VWA3B: variants seen among roughly 807,000 people sequenced by gnomAD.
VWA3B encodes von Willebrand factor A domain containing 3B, also known as von Willebrand factor A domain-containing protein 3B.
VWA3B carries 138 observed loss-of-function variants against 158.3 expected under a neutral mutation model. The ratio of observed to expected loss-of-function variants is 0.87; its 90% CI spans 0.76 to 1.00. VWA3B has a LOEUF of 1.00. Ranked by LOEUF, VWA3B falls within the 50% of genes least tolerant of loss-of-function variation. VWA3B has a pLI of 0.00. For missense variants in VWA3B, 1,555 were observed against 1,565.1 expected (o/e 0.99, Z 0.11); for synonymous variants, 596 against 587.3 (o/e 1.01, Z -0.21).
intron 23 of VWA3B, 106 bp downstream of exon 23, chr2:98,290,728 C>A: frequency 1.3e-6 from 1 of 764,924 alleles, no homozygotes; most frequent in Non-Finnish European, 2.2e-6. Flanking sequence ...ATTTCATGAG[C>A]TGGCCTGAGC....
At chr2:98,179,104 C>T (rs1194351724) in intron 8 of VWA3B, 2 of 420,910 alleles carry the variant, frequency 4.8e-6, no homozygotes, top group Non-Finnish European at 9.8e-6. Flanking sequence ...ACCATGGTCT[C>T]TTTCATCCTA....
At chr2:98,285,972 G>A (rs551194321) in intron 22 of VWA3B, among the ~76,000 whole-genome samples, 1 of 151,860 alleles carries the variant, frequency 6.6e-6, no homozygotes, top group African/African-American at 2.4e-5. Flanking sequence ...TTTTAGTTTT[G>A]AGTGTATAAG....
chr2:98,298,466 GCCATC>G (rs1558774009), intron 24 of VWA3B, among the ~76,000 whole-genome samples: 4 of 149,894 alleles, frequency 2.7e-5, no homozygotes, highest in African/African-American at 7.4e-5. Flanking sequence ...GCCATGCCAT[GCCATC>G]CCACCCCATC....
chr2:98,299,942 A>G, intron 24 of VWA3B, 137 bp from the exon 25 acceptor site: 2 of 1,199,418 alleles, frequency 1.7e-6, no homozygotes, highest in South Asian at 2.8e-5. Context: ...ACTCTTTCTT[A>G]ACTGAGAAAA....
intron 8 of VWA3B, among the ~76,000 whole-genome samples, chr2:98,168,408 C>CAA (rs1553400835): frequency 1.3e-5 from 2 of 149,790 alleles, no homozygotes; most frequent in Admixed American, 6.6e-5. Context: ...CACACACACA[C>CAA]AAACTAAAAC....
intron 12 of VWA3B, among the ~76,000 whole-genome samples, chr2:98,209,448 T>A (rs1452754443): frequency 1.3e-5 from 2 of 152,006 alleles, no homozygotes; most frequent in Non-Finnish European, 2.9e-5. Context: ...GCCAGGCTAA[T>A]TTTTTGTATT....
intron 25 of VWA3B, 36 bp downstream of exon 25, chr2:98,300,252 T>C: frequency 6.2e-7 from 1 of 1,612,922 alleles, no homozygotes; most frequent in Non-Finnish European, 8.5e-7. Context: ...GACTTTCTCC[T>C]GGGCAATGCC....
intron 13 of VWA3B, among the ~76,000 whole-genome samples, chr2:98,213,401 T>C (rs1440536986): frequency 1.3e-5 from 2 of 152,016 alleles, no homozygotes; most frequent in African/African-American, 2.4e-5. Flanking sequence ...GGCGCTGCCA[T>C]GGCCTGCTGC....
chr2:98,250,959 G>A (rs1686763714), intron 20 of VWA3B, among the ~76,000 whole-genome samples: 1 of 152,076 alleles, frequency 6.6e-6, no homozygotes, highest in African/African-American at 2.4e-5. Context: ...TACAGGCTGG[G>A]TGTGGTGGTG....
intron 2 of VWA3B, among the ~76,000 whole-genome samples, chr2:98,100,227 T>C (rs1193141957): frequency 1.3e-5 from 2 of 152,250 alleles, no homozygotes; most frequent in Admixed American, 1.3e-4. Flanking sequence ...CCTTCATTAG[T>C]AACCCTGTCC....
chr2:98,193,598 C>CT lies in VWA3B; in HGVS notation c.1605+577dup, dbSNP rs376090829. Among the ~76,000 whole-genome samples, 1,029 of 142,828 alleles carry CT rather than the reference C, an allele frequency of 7.2e-3. 10 individuals carry two copies. The highest frequency in any genetic ancestry group is 0.017 in the African/African-American group (653 of 39,250). The allele number at this position is 142,828 out of a possible 152,430, so 93.7% of individuals were successfully genotyped here. ...GAGTGTTTGAGAAATACAAAATGCA[C>CT]TTTTTTTTTTTTTTTGAGATGGAGT... is the stretch of plus-strand genomic sequence containing the variant. On this transcript the variant is annotated intron_variant, in intron 11 of 27. Coordinates refer to ENST00000477737, the MANE Select transcript of VWA3B (RefSeq NM_144992.5).
At chr2:98,329,534 A>G in the VWA3B span, among the ~76,000 whole-genome samples, 9 of 152,196 alleles carry the variant, frequency 5.9e-5, no homozygotes, top group Non-Finnish European at 1.2e-4. Flanking sequence ...AGATCTTAAA[A>G]GTGGATCTAT....
intron 25 of VWA3B, among the ~76,000 whole-genome samples, chr2:98,301,927 A>G (rs1690221104): frequency 6.6e-6 from 1 of 152,062 alleles, no homozygotes; most frequent in African/African-American, 2.4e-5. Context: ...TTTCTTAATT[A>G]TATATTTCTG....
chr2:98,138,078 C>G (rs1246856854), intron 7 of VWA3B, among the ~76,000 whole-genome samples: 1 of 152,156 alleles, frequency 6.6e-6, no homozygotes, highest in Non-Finnish European at 1.5e-5. Context: ...TCAGCAGGCC[C>G]CTCCCCACCT....
chr2:98,117,377 C>A (rs958116427), intron 3 of VWA3B, among the ~76,000 whole-genome samples: 1 of 152,192 alleles, frequency 6.6e-6, no homozygotes, highest in Non-Finnish European at 1.5e-5. Context: ...AGAGGGCCAA[C>A]GCTCAGCTCA....
In VWA3B at chr2:98,181,205, C is replaced by A; in HGVS notation, c.1304C>A (p.Thr435Asn). Residue 435 changes from threonine (T) to asparagine (N), a missense_variant, in exon 9 of 28, where the codon ACC becomes AAC. Physicochemically the swap from Thr to Asn is moderately conservative, Grantham distance 65 (BLOSUM62 0). Coordinates refer to ENST00000477737, the MANE Select transcript of VWA3B (RefSeq NM_144992.5). ...KAKPENESVQ[T>N]SAETNKKTVH... ...AAACCGGAGAATGAGTCCGTGCAGACCAGTGCGGTAGGTGAAGTGCACTCC... is the reference window on the plus strand; with the variant it reads ...AAACCGGAGAATGAGTCCGTGCAGAACAGTGCGGTAGGTGAAGTGCACTCC... The A allele has an allele frequency of 1.9e-6, 3 of 1,613,996 alleles. No individual in the cohort carries two copies. Among genetic ancestry groups the A allele is most frequent in the Non-Finnish European group, 2.5e-6 (3 of 1,179,926 alleles).
chr2:98,278,748 G>GA (rs1688684589), intron 22 of VWA3B, among the ~76,000 whole-genome samples: 1 of 152,178 alleles, frequency 6.6e-6, no homozygotes, highest in South Asian at 2.1e-4. Context: ...ATGGGTACAG[G>GA]ATGGGGGGGT....
At chr2:98,154,484 G>T (rs1406595578) in intron 7 of VWA3B, among the ~76,000 whole-genome samples, 1 of 152,060 alleles carries the variant, frequency 6.6e-6, no homozygotes. Context: ...CAACTAAGGA[G>T]AGTAAGCCCC....
At chr2:98,196,940 A>G (rs911921823) in intron 12 of VWA3B, among the ~76,000 whole-genome samples, 1 of 152,252 alleles carries the variant, frequency 6.6e-6, no homozygotes, top group Non-Finnish European at 1.5e-5. Flanking sequence ...CACCTCTAAC[A>G]TAGCCATGGT....
Sources: allele counts gnomAD v4.1 joint callset (sites outside exome capture counted in the v4.1 genomes callset), GRCh38; gene constraint gnomAD v4.1.1; transcripts MANE v1.5; gene names NCBI Gene and HGNC (gene_info 2026-07-23, HGNC 2026-07-21).